The following UBA3 variants were observed in gnomAD, a reference collection of about 807,000 sequenced individuals.
UBA3 encodes NEDD8-activating enzyme E1 catalytic subunit.
Under a neutral mutation model 73.5 loss-of-function variants are expected in UBA3, and 26 were observed. That is an observed-to-expected ratio of 0.35 (90% CI 0.26 to 0.49). The LOEUF (loss-of-function observed/expected upper bound fraction) is 0.49. Among genes scored for constraint, UBA3 ranks in the 20% least tolerant of loss-of-function variants. UBA3 has a pLI of 0.98. For missense variants in UBA3, 495 were observed against 555.6 expected (o/e 0.89, Z 1.10); for synonymous variants, 217 against 191.2 (o/e 1.13, Z -1.11).
At chr3:69,066,699 T>C (rs2092074882) in intron 6 of UBA3, among the ~76,000 whole-genome samples, 1 of 152,226 alleles carries the variant, frequency 6.6e-6, no homozygotes, top group South Asian at 2.1e-4. Context: ...CCCAAAGTGC[T>C]GGGATTACAG....
In UBA3 at chr3:69,080,145, T is replaced by C; in HGVS notation, c.29A>G (p.Lys10Arg). The change falls in exon 2 of 18, where the codon AAA (lysine) becomes AGA (arginine). Residue 10 changes from lysine (K) to arginine (R), a missense_variant. Transcript: ENST00000361055. ...CAGCAGCTCCTCTATTCTCCTTCTT[T>C]TCTTCTCCCTAAAAGAGAGAATAAA... MADGEEPEK[K>R]RRRIEELLAE... 3 of 1,609,586 alleles carry C rather than the reference T, an allele frequency of 1.9e-6. No homozygotes were observed. Among genetic ancestry groups the C allele is most frequent in the Non-Finnish European group, 2.5e-6 (3 of 1,178,978 alleles).
intron 5 of UBA3, among the ~76,000 whole-genome samples, 159 bp from the exon 6 acceptor site, chr3:69,068,167 G>C (rs1559644814): frequency 6.6e-6 from 1 of 152,094 alleles, no homozygotes; most frequent in Non-Finnish European, 1.5e-5. Context: ...ATAACTTTTG[G>C]TAAACGGTCA....
chr3:69,077,754 CAT>C, intron 3 of UBA3, 42 bp downstream of exon 3: 1 of 1,542,832 alleles, frequency 6.5e-7, no homozygotes, highest in East Asian at 2.3e-5. Context: ...AGTTTTGAAA[CAT>C]AAAACTATTA....
intron 5 of UBA3, 78 bp downstream of exon 5, chr3:69,071,457 A>C (rs2092121289): frequency 1.3e-6 from 1 of 759,648 alleles, no homozygotes; most frequent in Non-Finnish European, 2.1e-6. Flanking sequence ...ATTTTTAAAA[A>C]TTATTAAACT....
At chr3:69,065,064 C>T (rs4616647) in intron 6 of UBA3, among the ~76,000 whole-genome samples, 3,727 of 151,988 alleles carry the variant, frequency 0.025, 65 homozygotes, top group East Asian at 0.037. Context: ...AGCAGGAGAA[C>T]GAAGCTACAG....
intron 11 of UBA3, among the ~76,000 whole-genome samples, chr3:69,058,200 G>A (rs2091992919): frequency 6.6e-6 from 1 of 152,086 alleles, no homozygotes; most frequent in African/African-American, 2.4e-5. Flanking sequence ...AAAGTGCTGG[G>A]ACTCACATTT....
intron 3 of UBA3, among the ~76,000 whole-genome samples, chr3:69,076,193 CAG>C (rs1478559827): frequency 2.0e-5 from 3 of 152,172 alleles, no homozygotes; most frequent in East Asian, 3.9e-4. Context: ...ATTTAAAAAA[CAG>C]AGGATCAAGC....
intron 2 of UBA3, 127 bp from the exon 3 acceptor site, chr3:69,078,045 C>T (rs2092183280): frequency 8.2e-7 from 1 of 1,226,164 alleles, no homozygotes; most frequent in Non-Finnish European, 1.1e-6. Flanking sequence ...GGAAAATATT[C>T]AATGTGATTA....
In UBA3 at chr3:69,054,736, A is replaced by G. The variant is rs527380086; in HGVS notation, c.*701T>C. The G allele has an allele frequency of 1.3e-5, 2 of 152,318 alleles. No homozygotes were observed. Among genetic ancestry groups the G allele is most frequent in the Admixed American group, 1.3e-4 (2 of 15,304 alleles). The allele number at this position is 152,318 out of a possible 1,614,324, so 9.4% of individuals were successfully genotyped here. A position where few individuals can be genotyped will look rare whatever the true frequency, so the allele number is the denominator to read the frequency against. On this transcript the variant is annotated 3_prime_UTR_variant, in exon 18 of 18. Coordinates refer to ENST00000361055, the MANE Select transcript of UBA3 (RefSeq NM_003968.4). ...AAAACTTCAGTGAAAGAAGTACACA[A>G]TATATGATTTTATTAATAAATAGTG...
intron 5 of UBA3, among the ~76,000 whole-genome samples, chr3:69,069,578 T>G (rs1436413562): frequency 6.6e-6 from 1 of 152,062 alleles, no homozygotes; most frequent in African/African-American, 2.4e-5. Flanking sequence ...CCGCCCACCT[T>G]AGCCTCCCAA....
chr3:69,064,866 TTAAGA>T (rs2092055243), intron 6 of UBA3, among the ~76,000 whole-genome samples: 1 of 152,140 alleles, frequency 6.6e-6, no homozygotes, highest in Admixed American at 6.5e-5. Flanking sequence ...TTCTCTAAAG[TTAAGA>T]TAAATAGTCC....
intron 5 of UBA3, among the ~76,000 whole-genome samples, chr3:69,068,469 T>C (rs1553683485): frequency 6.6e-6 from 1 of 150,952 alleles, no homozygotes; most frequent in Non-Finnish European, 1.5e-5. Flanking sequence ...AAGCAGCAAA[T>C]TTTGTGTCCC....
At chr3:69,064,628 A>G (rs2092052121) in intron 6 of UBA3, among the ~76,000 whole-genome samples, 1 of 152,150 alleles carries the variant, frequency 6.6e-6, no homozygotes, top group South Asian at 2.1e-4. Flanking sequence ...GAGGAGAAAA[A>G]GTACGAATTT....
chr3:69,062,040 T>G (rs1295171380), intron 10 of UBA3, 37 bp downstream of exon 10: 2 of 1,480,200 alleles, frequency 1.4e-6, no homozygotes. Context: ...AAATATGTAT[T>G]TTATGTAATT....
intron 3 of UBA3, 81 bp downstream of exon 3, chr3:69,077,717 A>G (rs2092179818): frequency 2.2e-6 from 3 of 1,387,542 alleles, no homozygotes; most frequent in Non-Finnish European, 1.9e-6. Flanking sequence ...TCATTGTAAG[A>G]GCAAATTAAA....
At chr3:69,067,608 A>G (rs1039110327) in intron 6 of UBA3, among the ~76,000 whole-genome samples, 1 of 152,202 alleles carries the variant, frequency 6.6e-6, no homozygotes, top group African/African-American at 2.4e-5. Context: ...AATTGGATCC[A>G]GCCTAGGAAT....
chr3:69,059,605 G>A (rs2092005484), intron 11 of UBA3, among the ~76,000 whole-genome samples: 1 of 152,158 alleles, frequency 6.6e-6, no homozygotes, highest in Non-Finnish European at 1.5e-5. Flanking sequence ...CTAAGGTACA[G>A]AAGAACTTGG....
intron 11 of UBA3, among the ~76,000 whole-genome samples, chr3:69,061,289 G>T (rs539411853): frequency 6.6e-4 from 101 of 152,344 alleles, no homozygotes; most frequent in Non-Finnish European, 1.2e-3. Context: ...TCAGCCTCCT[G>T]GGTTCAAGTG....
In UBA3 at chr3:69,056,820, A is replaced by C; in HGVS notation, c.965-5T>G. 1 of 1,611,364 alleles carries C rather than the reference A, an allele frequency of 6.2e-7. No homozygotes were observed. Among genetic ancestry groups the C allele is most frequent in the South Asian group, 1.1e-5 (1 of 90,536 alleles). On this transcript the variant is annotated splice_region_variant and splice_polypyrimidine_tract_variant and intron_variant, in intron 12 of 17. Coordinates refer to ENST00000361055, the MANE Select transcript of UBA3 (RefSeq NM_003968.4). The stretch of plus-strand genomic sequence containing the variant: ...AAACCTCAGTGGCACACACAGCTGA[A>C]GGGAGGAGAAAATACAGGTGCTTTA...
Sources: gnomAD v4.1 joint callset for allele counts (sites outside exome capture counted in the v4.1 genomes callset) on GRCh38, gnomAD v4.1.1 for gene constraint, MANE v1.5 for transcripts, NCBI Gene and HGNC (gene_info 2026-07-23, HGNC 2026-07-21) for gene names.